The following PACS1 variants were observed in gnomAD, a reference collection of about 807,000 sequenced individuals.
PACS1 encodes the protein phosphofurin acidic cluster sorting protein 1, also known as PACS-1.
PACS1 carries 24 observed loss-of-function variants against 115.0 expected under a neutral mutation model. The observed-to-expected ratio is 0.21, with a 90% CI of 0.15 to 0.29. The LOEUF (loss-of-function observed/expected upper bound fraction) is 0.29, where lower values mean the gene tolerates loss of function less well. Ranked by LOEUF, PACS1 falls within the 10% of genes least tolerant of loss-of-function variation. The pLI, the probability that PACS1 is intolerant of heterozygous loss-of-function variation, is 1.00. For missense variants in PACS1, 838 were observed against 1,251.2 expected, an observed-to-expected ratio of 0.67 and a Z score of 4.98; for synonymous variants, 453 against 504.5, an observed-to-expected ratio of 0.90 and a Z score of 1.37.
intron 7 of PACS1, chr11:66,217,948 T>G (rs1309368939): frequency 4.4e-6 from 1 of 229,662 alleles, no homozygotes; most frequent in African/African-American, 2.3e-5. Flanking sequence ...GGCATGACCC[T>G]GGCACATGAC....
intron 22 of PACS1, 75 bp from the exon 23 acceptor site, chr11:66,242,837 G>T (rs1310463965): frequency 1.3e-6 from 2 of 1,597,606 alleles, no homozygotes; most frequent in Non-Finnish European, 1.7e-6. Flanking sequence ...GGAAGAAGGG[G>T]ACAGTCGGCT....
chr11:66,112,187 C>T (rs1490860238), intron 1 of PACS1, among the ~76,000 whole-genome samples: 1 of 152,200 alleles, frequency 6.6e-6, no homozygotes, highest in Non-Finnish European at 1.5e-5. Flanking sequence ...TGCCTAATCC[C>T]CTCCAGTAAA....
intron 3 of PACS1, among the ~76,000 whole-genome samples, chr11:66,210,874 C>T (rs900086344): frequency 2.6e-5 from 4 of 152,220 alleles, no homozygotes; most frequent in Non-Finnish European, 5.9e-5. Context: ...AATTGAAACA[C>T]ATGGAGAAAA....
At position 66,230,773 on chromosome 11, in the gene PACS1, A is replaced by G. The variant is rs368700541; in HGVS notation, c.1491-32A>G. ...CAGCAGCTTTGGGGTTGGAGGGGCT[A>G]TTTCACCAGCCTTTTTCCACCTCCC... On this transcript the variant is annotated intron_variant, in intron 12 of 23. Transcript: ENST00000320580. 950 of 1,613,676 alleles carry G rather than the reference A, an allele frequency of 5.9e-4. 1 individual carries two copies. Among genetic ancestry groups the G allele is most frequent in the Non-Finnish European group, 7.8e-4 (922 of 1,179,788 alleles).
chr11:66,108,470 C>T (rs1270225599), intron 1 of PACS1, among the ~76,000 whole-genome samples: 2 of 152,170 alleles, frequency 1.3e-5, no homozygotes, highest in Admixed American at 1.3e-4. Context: ...CACCTGCAAT[C>T]TCAGAGCTTT....
intron 20 of PACS1, 48 bp downstream of exon 20, chr11:66,238,894 C>A: frequency 6.6e-7 from 1 of 1,518,014 alleles, no homozygotes; most frequent in South Asian, 1.2e-5. Context: ...GGTGCCCTCC[C>A]TGTCTTCCCT....
intron 1 of PACS1, among the ~76,000 whole-genome samples, chr11:66,113,661 C>T (rs1418732838): frequency 6.6e-6 from 1 of 152,168 alleles, no homozygotes; most frequent in Non-Finnish European, 1.5e-5. Flanking sequence ...AAGTTGTAGT[C>T]TTTATGTTTA....
intron 1 of PACS1, among the ~76,000 whole-genome samples, chr11:66,118,792 A>G (rs1339986832): frequency 3.8e-4 from 55 of 144,258 alleles, no homozygotes; most frequent in Admixed American, 1.4e-3. Context: ...AAAAAAAAAA[A>G]GAAAGAAAAA....
At chr11:66,072,810 A>G (rs1857331733) in intron 1 of PACS1, among the ~76,000 whole-genome samples, 1 of 152,224 alleles carries the variant, frequency 6.6e-6, no homozygotes, top group African/African-American at 2.4e-5. Flanking sequence ...ACGTTTGGGC[A>G]GCTGCCTTCT....
chr11:66,201,577 A>G (rs1854796828), intron 2 of PACS1, among the ~76,000 whole-genome samples: 1 of 152,070 alleles, frequency 6.6e-6, no homozygotes, highest in Admixed American at 6.5e-5. Flanking sequence ...CAAAATTAGT[A>G]GAAGAAAAGA....
intron 1 of PACS1, among the ~76,000 whole-genome samples, chr11:66,149,056 A>G (rs939207646): frequency 6.2e-4 from 94 of 152,074 alleles, no homozygotes; most frequent in African/African-American, 2.2e-3. Flanking sequence ...TATATGCTCA[A>G]AGGTATGTGT....
chr11:66,202,163 CAACCTTCCAAGATTG>C (rs1364983893), intron 2 of PACS1, among the ~76,000 whole-genome samples: 1 of 152,080 alleles, frequency 6.6e-6, no homozygotes, highest in African/African-American at 2.4e-5. Flanking sequence ...TGGAAAGATA[CAACCTTCCAAGATTG>C]AACCATGAAG....
chr11:66,107,229 A>G (rs1016130804), intron 1 of PACS1, among the ~76,000 whole-genome samples: 1 of 152,042 alleles, frequency 6.6e-6, no homozygotes, highest in Non-Finnish European at 1.5e-5. Flanking sequence ...TCTTTCCTGA[A>G]AATGTCAATT....
intron 1 of PACS1, among the ~76,000 whole-genome samples, chr11:66,152,230 GA>G (rs879368450): frequency 3.6e-4 from 54 of 150,686 alleles, no homozygotes; most frequent in African/African-American, 9.7e-4. Flanking sequence ...TGTCTCAAAA[GA>G]AAAAAAAAGT....
rs1855696872 is a variant in PACS1, at chr11:66,236,034, G to A, written c.2250+94G>A. 8.4e-7 allele frequency: 1 copy of A among 1,195,892 alleles called. No homozygotes were observed. Among genetic ancestry groups the A allele is most frequent in the Non-Finnish European group, 1.3e-6 (1 of 798,910 alleles). 74.1% of individuals were successfully genotyped at this position (1,195,892 alleles called of 1,614,324 possible). ...GAAAACAAAAGATTCATCTAGAACA[G>A]TGGTTCTCCAGACACTGGAGATTTT... On this transcript the variant is annotated intron_variant, in intron 19 of 23. Transcript: ENST00000320580. The surrounding 1 kb of genome is among the most constrained non-coding windows in gnomAD (Gnocchi z 4.2).
chr11:66,157,399 A>G (rs189122356), intron 1 of PACS1, among the ~76,000 whole-genome samples: 3 of 152,142 alleles, frequency 2.0e-5, no homozygotes, highest in African/African-American at 7.2e-5. Context: ...GGAAGCTAAC[A>G]GGAAGCAATC....
At chr11:66,093,602 C>CT (rs1483228187) in intron 1 of PACS1, among the ~76,000 whole-genome samples, 25 of 147,192 alleles carry the variant, frequency 1.7e-4, no homozygotes, top group African/African-American at 6.3e-4. Flanking sequence ...TAATGGGAGA[C>CT]TTTAACACCC....
chr11:66,223,343 C>T (rs1314138002), intron 10 of PACS1, among the ~76,000 whole-genome samples: 15 of 152,078 alleles, frequency 9.9e-5, no homozygotes, highest in African/African-American at 3.4e-4. Context: ...ATCCGCCCGC[C>T]TCAGCTTCCC....
At chr11:66,139,041 C>G (rs1858915482) in intron 1 of PACS1, among the ~76,000 whole-genome samples, 1 of 152,098 alleles carries the variant, frequency 6.6e-6, no homozygotes, top group Non-Finnish European at 1.5e-5. Context: ...AGTTTGAGAA[C>G]CACTGAAAAA....
Sources: allele counts gnomAD v4.1 joint callset (sites outside exome capture counted in the v4.1 genomes callset), GRCh38; gene constraint gnomAD v4.1.1; non-coding constraint Gnocchi (gnomAD v3.1); transcripts MANE v1.5; gene names NCBI Gene and HGNC (gene_info 2026-07-23, HGNC 2026-07-21).